Variants in DAB1 observed in about 807,000 individuals in gnomAD.
DAB1 encodes DAB adaptor protein 1.
Under a neutral mutation model 64.6 loss-of-function variants are expected in DAB1, and 15 were observed. The observed-to-expected ratio is 0.23, with a 90% CI of 0.16 to 0.36. The LOEUF (loss-of-function observed/expected upper bound fraction) is 0.36, where lower values mean the gene tolerates loss of function less well. Ranked by LOEUF, DAB1 falls within the 10% of genes least tolerant of loss-of-function variation. DAB1 has a pLI of 1.00. For missense variants in DAB1, 596 were observed against 706.7 expected (o/e 0.84, Z 1.78); for synonymous variants, 235 against 251.9 (o/e 0.93, Z 0.64).
rs1558381471 is a variant in DAB1 at position 57,439,430 on chromosome 1, T to TG, written n.626-148265_626-148264insC. The stretch of plus-strand genomic sequence containing the variant: ...ACTTGGTGATGAGGTTTTTTCTTTT[T>TG]TTTTTTTTTTTTTTTTTGAGACGGA... On this transcript the variant is annotated intron_variant and non_coding_transcript_variant, in intron 7 of 20. Transcript: ENST00000485760. Among the ~76,000 whole-genome samples the TG allele has an allele frequency of 7.3e-4, 94 of 129,444 alleles. 5 individuals are homozygous for TG. In the East Asian group the frequency reaches 0.012, roughly 16 times the overall value. The allele number at this position is 129,444 out of a possible 152,430, so 84.9% of individuals were successfully genotyped here. A position where few individuals can be genotyped will look rare whatever the true frequency, so the allele number is the denominator to read the frequency against.
chr1:58,219,656 A>G (rs578243273), intron 4 of DAB1, among the ~76,000 whole-genome samples: 1 of 152,280 alleles, frequency 6.6e-6, no homozygotes, highest in East Asian at 1.9e-4. Flanking sequence ...GCAGCTCACT[A>G]AGATGGGTGC....
intron 4 of DAB1, among the ~76,000 whole-genome samples, chr1:58,305,455 G>A (rs189509568): frequency 6.6e-6 from 1 of 152,080 alleles, no homozygotes; most frequent in East Asian, 1.9e-4. Flanking sequence ...TTCACATTGT[G>A]GTAATATTGT....
chr1:58,087,928 A>C (rs1166358969), intron 5 of DAB1, among the ~76,000 whole-genome samples: 2 of 152,226 alleles, frequency 1.3e-5, no homozygotes, highest in African/African-American at 4.8e-5. Context: ...AATATGAATT[A>C]AGTATAGTTC....
chr1:57,022,940 AT>A (rs1388545614), intron 11 of DAB1, among the ~76,000 whole-genome samples: 3 of 152,220 alleles, frequency 2.0e-5, no homozygotes, highest in African/African-American at 7.2e-5. Context: ...GCCACTATAT[AT>A]TTTTTTAACT....
At chr1:57,026,117 TGGTATGG>T in intron 9 of DAB1, 74 bp from the exon 10 acceptor site, 1 of 1,066,360 alleles carries the variant, frequency 9.4e-7, no homozygotes, top group Non-Finnish European at 1.4e-6. Flanking sequence ...ACACACAGTA[TGGTATGG>T]GGATACACAT....
chr1:58,238,469 C>G (rs1235067850), intron 4 of DAB1, among the ~76,000 whole-genome samples: 1 of 151,920 alleles, frequency 6.6e-6, no homozygotes, highest in African/African-American at 2.4e-5. Context: ...TAGATGGAGT[C>G]CAGAGGAGAG....
At chr1:57,803,249 C>T (rs7515680) in intron 6 of DAB1, among the ~76,000 whole-genome samples, 57,360 of 152,082 alleles carry the variant, frequency 0.38, 11,273 homozygotes, top group South Asian at 0.5. Context: ...CATTGATCTC[C>T]AGGGCAAAGG....
intron 6 of DAB1, among the ~76,000 whole-genome samples, chr1:57,683,700 ACT>A (rs1312555554): frequency 6.6e-6 from 1 of 152,186 alleles, no homozygotes; most frequent in African/African-American, 2.4e-5. Context: ...CAGTGCAAGA[ACT>A]CTGGCAGTTA....
chr1:57,248,130 T>C (rs1026638897), intron 2 of DAB1, among the ~76,000 whole-genome samples: 1 of 152,224 alleles, frequency 6.6e-6, no homozygotes, highest in Non-Finnish European at 1.5e-5. Flanking sequence ...TATCCTCCTG[T>C]ACACTTTAAA....
chr1:58,410,796 A>T (rs1020420394), intron 3 of DAB1, among the ~76,000 whole-genome samples: 2 of 152,196 alleles, frequency 1.3e-5, no homozygotes, highest in African/African-American at 4.8e-5. Flanking sequence ...CTTAGTAATG[A>T]TGGAGGAGAA....
At position 57,057,157 on chromosome 1, in the gene DAB1, C is replaced by T. The variant is rs571897575; in HGVS notation, c.723+5727G>A. Among the ~76,000 whole-genome samples, 7 of 152,100 alleles carry T rather than the reference C, an allele frequency of 4.6e-5. No homozygotes were observed. The East Asian group carries it at 7.8e-4, about 17-fold the overall frequency. On this transcript the variant is annotated intron_variant, in intron 9 of 14. Transcript: ENST00000371236. ...TTACTAAATGGGCTGTCCACTGGAA[C>T]GATGAATCTCCCCAGATAATGGCCA...
chr1:57,785,234 C>G (rs1257871634), intron 6 of DAB1, among the ~76,000 whole-genome samples: 3 of 152,138 alleles, frequency 2.0e-5, no homozygotes, highest in Admixed American at 6.6e-5. Context: ...CATTGACACA[C>G]ATAGTCATCC....
At chr1:58,483,225 G>C (rs1012656260) in intron 3 of DAB1, among the ~76,000 whole-genome samples, 1 of 152,174 alleles carries the variant, frequency 6.6e-6, no homozygotes, top group African/African-American at 2.4e-5. Flanking sequence ...ATGTGTTCAA[G>C]GAAGAGGTCC....
At chr1:58,006,867 T>C (rs1049842064) in intron 5 of DAB1, among the ~76,000 whole-genome samples, 2 of 152,246 alleles carry the variant, frequency 1.3e-5, no homozygotes, top group African/African-American at 4.8e-5. Flanking sequence ...TGCATTGTTA[T>C]GCAAATGCTA....
chr1:58,235,074 G>A (rs377555413), intron 4 of DAB1, among the ~76,000 whole-genome samples: 3 of 152,186 alleles, frequency 2.0e-5, no homozygotes, highest in African/African-American at 4.8e-5. Flanking sequence ...CCGGCCCCTC[G>A]CCACACACCC....
intron 2 of DAB1, among the ~76,000 whole-genome samples, chr1:57,192,328 GAAA>G (rs10714135): frequency 1.1e-4 from 15 of 142,752 alleles, no homozygotes; most frequent in African/African-American, 1.5e-4. Context: ...CTCAAAAGCG[GAAA>G]AAAAAAAAAA....
At chr1:58,327,141 A>T (rs1229292368) in intron 4 of DAB1, among the ~76,000 whole-genome samples, 3 of 152,202 alleles carry the variant, frequency 2.0e-5, no homozygotes, top group Non-Finnish European at 4.4e-5. Flanking sequence ...TACATCCTTA[A>T]TAATCAGTGC....
chr1:57,467,787 AGAAGACTT>A (rs1290185140), intron 7 of DAB1, among the ~76,000 whole-genome samples: 1 of 152,276 alleles, frequency 6.6e-6, no homozygotes, highest in East Asian at 1.9e-4. Context: ...CATGTTTGAG[AGAAGACTT>A]GAAGAACTGT....
At chr1:57,077,421 G>T (rs1345197894) in intron 4 of DAB1, among the ~76,000 whole-genome samples, 1 of 152,148 alleles carries the variant, frequency 6.6e-6, no homozygotes. Context: ...GGAAGTACAG[G>T]ATGAAGGAAA....
Sources: allele counts gnomAD v4.1 joint callset (sites outside exome capture counted in the v4.1 genomes callset), GRCh38; gene constraint gnomAD v4.1.1; transcripts MANE v1.5; gene names NCBI Gene and HGNC (gene_info 2026-07-23, HGNC 2026-07-21).